Variants in PCDH15 observed in about 807,000 individuals in gnomAD.
PCDH15 encodes protocadherin related 15.
PCDH15 carries 129 observed loss-of-function variants against 178.5 expected under a neutral mutation model. That is an observed-to-expected ratio of 0.72 (90% CI 0.63 to 0.84). The LOEUF (loss-of-function observed/expected upper bound fraction) is 0.84. Among genes scored for constraint, PCDH15 ranks in the 40% least tolerant of loss-of-function variants. PCDH15 has a pLI of 0.00. For synonymous variants in PCDH15, 800 were observed against 732.0 expected (o/e 1.09, Z -1.50); for missense variants, 2,230 against 2,099.9 (o/e 1.06, Z -1.21).
intron 3 of PCDH15, among the ~76,000 whole-genome samples, chr10:54,476,807 C>G (rs892097370): frequency 2.6e-5 from 4 of 152,122 alleles, no homozygotes; most frequent in African/African-American, 9.7e-5. Flanking sequence ...AACAAGCATA[C>G]AGGCCCATCA....
chr10:55,058,920 G>A (rs1262095666), intron 2 of PCDH15, among the ~76,000 whole-genome samples: 1 of 152,172 alleles, frequency 6.6e-6, no homozygotes, highest in African/African-American at 2.4e-5. Context: ...AGAGTAGCTT[G>A]TCTATGAGAA....
chr10:54,543,647 C>T (rs188892463), intron 2 of PCDH15, among the ~76,000 whole-genome samples: 14 of 152,204 alleles, frequency 9.2e-5, no homozygotes, highest in Admixed American at 3.3e-4. Context: ...TGATTTGGAT[C>T]ATTCTTGTCA....
intron 2 of PCDH15, among the ~76,000 whole-genome samples, chr10:54,649,129 C>T (rs2094198599): frequency 1.3e-5 from 2 of 152,278 alleles, no homozygotes; most frequent in South Asian, 4.1e-4. Flanking sequence ...GGAACAGCCA[C>T]TGCATTATGA....
At chr10:54,678,053 T>C (rs900044455) in intron 1 of PCDH15, among the ~76,000 whole-genome samples, 5 of 152,182 alleles carry the variant, frequency 3.3e-5, no homozygotes, top group Non-Finnish European at 7.3e-5. Flanking sequence ...GCTGAGGATA[T>C]ACTAGGTGGA....
chr10:54,497,849 T>G (rs920342864), intron 3 of PCDH15, among the ~76,000 whole-genome samples: 1 of 151,458 alleles, frequency 6.6e-6, no homozygotes, highest in African/African-American at 2.4e-5. Context: ...CCTGAAAGAG[T>G]TGGAGGGAGA....
chr10:55,295,469 T>C (rs1259914572), intron 1 of PCDH15, among the ~76,000 whole-genome samples: 1 of 152,230 alleles, frequency 6.6e-6, no homozygotes, highest in East Asian at 1.9e-4. Context: ...TTAAGTATTG[T>C]TGCAAGGCAA....
intron 18 of PCDH15, among the ~76,000 whole-genome samples, chr10:54,040,177 GC>G (rs1467681011): frequency 6.6e-6 from 1 of 151,852 alleles, no homozygotes; most frequent in African/African-American, 2.4e-5. Flanking sequence ...TGCCATCTTT[GC>G]TATTGAGATG....
chr10:53,823,937 T>G (rs1477185998), intron 32 of PCDH15, among the ~76,000 whole-genome samples: 1 of 152,218 alleles, frequency 6.6e-6, no homozygotes, highest in Non-Finnish European at 1.5e-5. Flanking sequence ...AGAAATTGAA[T>G]GTATGCTAGA....
At chr10:55,144,391 C>T (rs1034872712) in intron 2 of PCDH15, among the ~76,000 whole-genome samples, 1 of 152,048 alleles carries the variant, frequency 6.6e-6, no homozygotes, top group Non-Finnish European at 1.5e-5. Context: ...AATTGGTGTA[C>T]ACTACTGGCT....
chr10:54,122,740 C>T (rs2041655641), intron 15 of PCDH15, among the ~76,000 whole-genome samples: 1 of 151,898 alleles, frequency 6.6e-6, no homozygotes. Context: ...TGTAGGAGTT[C>T]TATACACCAA....
At chr10:55,513,254 T>G (rs1474110898) in intron 2 of PCDH15, 3 of 152,122 alleles carry the variant, frequency 2.0e-5, no homozygotes, top group African/African-American at 7.2e-5. Flanking sequence ...CTTAGTTACC[T>G]AGGTGTATGT....
At chr10:54,077,416 C>G (rs1218947207) in intron 17 of PCDH15, among the ~76,000 whole-genome samples, 1 of 152,164 alleles carries the variant, frequency 6.6e-6, no homozygotes, top group Admixed American at 6.5e-5. Flanking sequence ...TATTTTCCTT[C>G]CATCTGTTTC....
chr10:55,519,644 T>A (rs920787209), intron 2 of PCDH15, among the ~76,000 whole-genome samples: 35 of 151,934 alleles, frequency 2.3e-4, no homozygotes, highest in Admixed American at 2.2e-3. Context: ...AAAGAAAAAA[T>A]AAAAGTACAT....
chr10:54,887,619 A>G (rs1360080053), intron 3 of PCDH15, among the ~76,000 whole-genome samples: 1 of 152,088 alleles, frequency 6.6e-6, no homozygotes, highest in Admixed American at 6.6e-5. Context: ...ATAAATTATA[A>G]ACTATTCTCT....
chr10:54,437,861 G>A (rs1169797567), intron 3 of PCDH15, among the ~76,000 whole-genome samples: 2 of 152,050 alleles, frequency 1.3e-5, no homozygotes, highest in African/African-American at 4.8e-5. Flanking sequence ...ATACTTATTG[G>A]TGTAAATGAA....
At position 54,079,370 on chromosome 10, in the gene PCDH15, G is replaced by A; in HGVS notation, c.2052C>T (p.Tyr684=). The change falls in exon 17 of 38, where the codon TAC becomes TAT. Residue 684 remains tyrosine (Y), a synonymous_variant. Transcript: ENST00000644397. ...CATCTGAAGCTGTGATGATCAGAAT[G>A]TAGCGATCAGTGCTTTCCCTGTCCA... ...KALDRESTDR[Y]ILIITASDGR... is the part of the protein sequence containing the mutation. The A allele has an allele frequency of 6.2e-7, 1 of 1,614,124 alleles. No homozygotes were observed. The highest frequency in any genetic ancestry group is 8.5e-7 in the Non-Finnish European group (1 of 1,179,980).
Position 54,214,007 on chromosome 10 carries a change from T to C in PCDH15, c.1027A>G (p.Arg343Gly), listed in dbSNP as rs1422825355. The change falls in exon 10 of 38, where the codon AGG (arginine) becomes GGG (glycine). Residue 343 changes from arginine (R) to glycine (G), a missense_variant. Transcript: ENST00000644397. ...DYPRFFHMHP[R>G]TAELSLLEPV... ...TCCAGGAGACTAAGTTCTGCTGTCC[T>C]AGGATGCATATGGAAAAATCGTGGG... The C allele has an allele frequency of 6.2e-7, 1 of 1,611,484 alleles. No homozygotes were observed. Among genetic ancestry groups the C allele is most frequent in the African/African-American group, 1.3e-5 (1 of 74,866 alleles).
intron 1 of PCDH15, among the ~76,000 whole-genome samples, chr10:55,205,850 G>A (rs1258003009): frequency 6.6e-6 from 1 of 152,072 alleles, no homozygotes; most frequent in Non-Finnish European, 1.5e-5. Context: ...GGTTCCACAT[G>A]GCTGGGGAGG....
intron 8 of PCDH15, among the ~76,000 whole-genome samples, chr10:54,293,971 T>A (rs551870618): frequency 6.6e-6 from 1 of 152,314 alleles, no homozygotes; most frequent in Admixed American, 6.5e-5. Context: ...TTACTGGATA[T>A]ATACCCAAAG....
Sources: allele counts gnomAD v4.1 joint callset (sites outside exome capture counted in the v4.1 genomes callset), GRCh38; gene constraint gnomAD v4.1.1; transcripts MANE v1.5; gene names NCBI Gene and HGNC (gene_info 2026-07-23, HGNC 2026-07-21).